Variants in TYW1 observed in about 807,000 individuals in gnomAD.
TYW1 encodes the protein S-adenosyl-L-methionine-dependent tRNA 4-demethylwyosine synthase TYW1.
In TYW1, 46 loss-of-function variants were observed where a neutral mutation model predicts 96.2. The observed-to-expected ratio is 0.48, with a 90% CI of 0.38 to 0.61. The LOEUF is 0.61. Among genes scored for constraint, TYW1 ranks in the 20% least tolerant of loss-of-function variants. The probability of loss-of-function intolerance (pLI) is 0.00; values close to 1 mark genes in which losing one functional copy is unlikely to be tolerated. For missense variants in TYW1, 684 were observed against 909.6 expected, an observed-to-expected ratio of 0.75 and a Z score of 3.19; for synonymous variants, 274 against 323.0, an observed-to-expected ratio of 0.85 and a Z score of 1.63.
At chr7:67,166,579 C>T (rs909141048) in intron 13 of TYW1, among the ~76,000 whole-genome samples, 4 of 151,466 alleles carry the variant, frequency 2.6e-5, no homozygotes, top group African/African-American at 9.7e-5. Context: ...TTGCTAACAC[C>T]GTAAGGTAGA....
chr7:67,168,567 A>G lies in TYW1; in HGVS notation c.1699-14559A>G, dbSNP rs546629626. ...TTGTGTTTTCTTTAGGACTTTGTAC[A>G]TTTCATTTAAATTTTCAAAATGACT... On this transcript the variant is annotated intron_variant, in intron 13 of 15. Transcript: ENST00000359626. 2.3e-4 allele frequency among the ~76,000 whole-genome samples: 35 copies of G among 152,288 alleles called. 2 individuals are homozygous for G. The South Asian group carries it at 7.1e-3, about 31-fold the overall frequency.
intron 15 of TYW1, among the ~76,000 whole-genome samples, chr7:67,220,200 G>GTTTT (rs1563077173): frequency 3.5e-5 from 3 of 84,724 alleles, no homozygotes; most frequent in African/African-American, 9.0e-5. Flanking sequence ...TTCATTTATT[G>GTTTT]ATTTTTTTTT....
intron 13 of TYW1, among the ~76,000 whole-genome samples, chr7:67,156,412 C>T (rs544750173): frequency 4.6e-5 from 7 of 152,216 alleles, no homozygotes; most frequent in African/African-American, 7.2e-5. Context: ...AGAGAAACCA[C>T]GTTTTCAGGG....
chr7:67,075,988 A>C (rs371874249), intron 10 of TYW1, among the ~76,000 whole-genome samples: 20 of 152,224 alleles, frequency 1.3e-4, no homozygotes, highest in African/African-American at 4.8e-4. Flanking sequence ...AGCTCCCACA[A>C]TTTAGCCTAA....
intron 11 of TYW1, among the ~76,000 whole-genome samples, chr7:67,092,241 A>G (rs1172893384): frequency 2.0e-5 from 3 of 152,054 alleles, no homozygotes; most frequent in South Asian, 2.1e-4. Flanking sequence ...CACCTCCACT[A>G]TCGTGCCACC....
At chr7:67,006,948 CTTTTTTTTTT>C (rs34475001) in intron 3 of TYW1, among the ~76,000 whole-genome samples, 2 of 45,142 alleles carry the variant, frequency 4.4e-5, no homozygotes, top group Non-Finnish European at 7.4e-5. Context: ...AGATGTGAGG[CTTTTTTTTTT>C]TTTTTTTTTT....
intron 13 of TYW1, among the ~76,000 whole-genome samples, chr7:67,180,177 T>G (rs1361182227): frequency 7.6e-6 from 1 of 131,490 alleles, no homozygotes; most frequent in East Asian, 2.0e-4. Context: ...TCTCTTGAAT[T>G]TTGAAATTGC....
In TYW1 at chr7:67,195,193, T is replaced by C. The variant is rs771271311; in HGVS notation, c.1833T>C (p.Ser611=). ...AGGGCGTTACCTACTGCGGAGAAAG[T>C]TCAGCAAGCAGTCTTACCATGGCCC... ...EVKGVTYCGE[S]SASSLTMAHV... is the part of the protein sequence containing the mutation. Residue 611 remains serine, a synonymous_variant, in exon 15 of 16, where the codon AGT becomes AGC. Coordinates refer to ENST00000359626, the MANE Select transcript of TYW1 (RefSeq NM_018264.4). The C allele has an allele frequency of 1.3e-5, 21 of 1,613,940 alleles. No individual in the cohort carries two copies. Among genetic ancestry groups the C allele is most frequent in the South Asian group, 3.3e-5 (3 of 91,068 alleles).
intron 13 of TYW1, among the ~76,000 whole-genome samples, chr7:67,169,356 TATA>T (rs1326369933): frequency 5.3e-5 from 8 of 152,286 alleles, no homozygotes; most frequent in African/African-American, 1.9e-4. Context: ...TTACAGTTAG[TATA>T]ATGTTTTCCA....
intron 15 of TYW1, among the ~76,000 whole-genome samples, chr7:67,231,131 T>C (rs1201896694): frequency 6.6e-6 from 1 of 152,190 alleles, no homozygotes; most frequent in South Asian, 2.1e-4. Flanking sequence ...TCTCCTGCAA[T>C]TGCTATTTGT....
intron 15 of TYW1, among the ~76,000 whole-genome samples, chr7:67,235,676 G>A (rs566844216): frequency 1.3e-4 from 20 of 152,232 alleles, no homozygotes; most frequent in Non-Finnish European, 2.5e-4. Flanking sequence ...CGGATCACAA[G>A]GTCAGGAGAT....
intron 7 of TYW1, among the ~76,000 whole-genome samples, chr7:67,040,258 ATT>A (rs1323794418): frequency 6.6e-6 from 1 of 152,174 alleles, no homozygotes; most frequent in African/African-American, 2.4e-5. Flanking sequence ...TTGCTTAAAC[ATT>A]TAAAATTTGC....
At position 66,998,837 on chromosome 7, in the gene TYW1, A is replaced by G; in HGVS notation, c.156A>G (p.Lys52=). The G allele has an allele frequency of 6.2e-7, 1 of 1,614,150 alleles. No homozygotes were observed. The highest frequency in any genetic ancestry group is 8.5e-7 in the Non-Finnish European group (1 of 1,180,026). ...TCAAGGGCAAGAACTTACAGGAAAA[A>G]TCTGTTCCAAAAGCAGCTCAGGATT... ...IKTQGKNLQE[K]SVPKAAQDLM... Residue 52 remains lysine, a synonymous_variant, in exon 3 of 16, where the codon AAA becomes AAG. Coordinates refer to ENST00000359626, the MANE Select transcript of TYW1 (RefSeq NM_018264.4).
At chr7:67,200,812 T>G (rs1365170854) in intron 15 of TYW1, among the ~76,000 whole-genome samples, 2 of 152,088 alleles carry the variant, frequency 1.3e-5, no homozygotes, top group Non-Finnish European at 2.9e-5. Flanking sequence ...GAGGCACCAT[T>G]TAACTGGATC....
At chr7:67,000,868 A>C (rs1793359465) in intron 3 of TYW1, among the ~76,000 whole-genome samples, 1 of 152,082 alleles carries the variant, frequency 6.6e-6, no homozygotes, top group Non-Finnish European at 1.5e-5. Flanking sequence ...CCTCTTGTGG[A>C]AGTTGCGCAG....
intron 15 of TYW1, among the ~76,000 whole-genome samples, chr7:67,222,207 A>G (rs1801415197): frequency 6.6e-6 from 1 of 152,110 alleles, no homozygotes. Context: ...AAAAAAATAA[A>G]AAGAAAAGAA....
chr7:67,087,190 TTTG>T (rs770745750), intron 11 of TYW1, among the ~76,000 whole-genome samples: 5 of 152,178 alleles, frequency 3.3e-5, no homozygotes, highest in Non-Finnish European at 7.3e-5. Flanking sequence ...TGAGGTAGAC[TTTG>T]TTGATTTTAA....
At chr7:67,072,963 T>TTTTTTTTTTTTG (rs1219374462) in intron 10 of TYW1, among the ~76,000 whole-genome samples, 14 of 118,592 alleles carry the variant, frequency 1.2e-4, no homozygotes, top group African/African-American at 3.5e-4. Flanking sequence ...TTTTTTTTTT[T>TTTTTTTTTTTTG]TATAGAGACA....
chr7:67,200,636 A>G (rs1346944561), intron 15 of TYW1, among the ~76,000 whole-genome samples: 4 of 152,142 alleles, frequency 2.6e-5, no homozygotes, highest in Non-Finnish European at 5.9e-5. Context: ...GACACAGTCA[A>G]ACCATATCAG....
Sources: allele counts gnomAD v4.1 joint callset (sites outside exome capture counted in the v4.1 genomes callset), GRCh38; gene constraint gnomAD v4.1.1; transcripts MANE v1.5; gene names NCBI Gene and HGNC (gene_info 2026-07-23, HGNC 2026-07-21).